CKAP4: variants seen among roughly 807,000 people sequenced by gnomAD.
CKAP4 encodes cytoskeleton associated protein 4.
A neutral mutation model predicts 24.4 loss-of-function variants in CKAP4; 20 were observed. That is an observed-to-expected ratio of 0.82 (90% CI 0.58 to 1.19). The LOEUF (loss-of-function observed/expected upper bound fraction) is 1.19, where lower values mean the gene tolerates loss of function less well. Ranked by LOEUF, CKAP4 falls within the 50% of genes most tolerant of loss-of-function variation. The probability of loss-of-function intolerance (pLI) is 0.00; values close to 1 mark genes in which losing one functional copy is unlikely to be tolerated. For missense variants in CKAP4, 744 were observed against 765.3 expected (o/e 0.97, Z 0.33); for synonymous variants, 378 against 351.7 (o/e 1.07, Z -0.84).
chr12:106,242,113 T>C (rs1166776755), intron 1 of CKAP4, among the ~76,000 whole-genome samples: 2 of 152,202 alleles, frequency 1.3e-5, no homozygotes, highest in African/African-American at 4.8e-5. Context: ...CAGTGTGATC[T>C]TGGGGAAGTT....
chr12:106,243,939 C>G (rs796978224), intron 1 of CKAP4, among the ~76,000 whole-genome samples: 1 of 152,138 alleles, frequency 6.6e-6, no homozygotes, highest in Non-Finnish European at 1.5e-5. Context: ...CATGGCTGAC[C>G]CATAGTGAAC....
Position 106,239,178 on chromosome 12 carries a change from AT to A in CKAP4, c.1654del (p.Met552CysfsTer16). On this transcript the variant is annotated frameshift_variant, in exon 2 of 2. Transcript: ENST00000378026. This position sits in a 1 kb window ranked among gnomAD's most constrained non-coding sequence, Gnocchi z 4.9. Reference sequence around the variant, plus strand: ...CAAACTGTCCACAGCAGTCCTGAGCATTTTCAAGTCCGCCTCCACTTGGCTG... The same window carrying A: ...CAAACTGTCCACAGCAGTCCTGAGCATTTCAAGTCCGCCTCCACTTGGCTG... Reference protein sequence around the residue: ...SVSQVEADLKMLRTAVDSLVA... With the variant: ...SVSQVEADLKXLRTAVDSLVA... 1 of 1,614,056 alleles carries A rather than the reference AT, an allele frequency of 6.2e-7. No homozygotes were observed. The highest frequency in any genetic ancestry group is 8.5e-7 in the Non-Finnish European group (1 of 1,180,000).
intron 1 of CKAP4, among the ~76,000 whole-genome samples, chr12:106,242,476 G>A (rs912905240): frequency 3.9e-5 from 6 of 152,164 alleles, no homozygotes; most frequent in Admixed American, 1.3e-4. Context: ...CCGAGTCCCA[G>A]GCTCCTCATC....
rs1241356139 is a variant in CKAP4, at chr12:106,238,693, C to T, written c.*331G>A. ...TTTTTTTTTACTTGAAATCTGCCAGCCAGACAGGATTTCTGAGGTTAATCT... is the reference window on the plus strand; with the variant it reads ...TTTTTTTTTACTTGAAATCTGCCAGTCAGACAGGATTTCTGAGGTTAATCT... On this transcript the variant is annotated 3_prime_UTR_variant, in exon 2 of 2. Coordinates refer to ENST00000378026, the MANE Select transcript of CKAP4 (RefSeq NM_006825.4). The T allele has an allele frequency of 1.9e-5, 4 of 205,298 alleles. No homozygotes were observed. In the East Asian group the frequency reaches 4.6e-4, roughly 24 times the overall value. 12.7% of individuals were successfully genotyped at this position (205,298 alleles called of 1,614,324 possible).
Position 106,247,540 on chromosome 12 carries a change from G to T in CKAP4, c.312C>A (p.Leu104=). ...ASSSASCSRR[L]GRALNFLFYL... The stretch of plus-strand genomic sequence containing the variant: ...AGAAGAGAAAGTTGAGCGCCCTGCC[G>T]AGCCTGCGCGAGCAGGACGCCGAGG... The change falls in exon 1 of 2, where the codon CTC becomes CTA. Residue 104 remains leucine, a synonymous_variant. Transcript: ENST00000378026. The surrounding 1 kb of genome is among the most constrained non-coding windows in gnomAD (Gnocchi z 4.5). The T allele has an allele frequency of 6.7e-7, 1 of 1,494,618 alleles. No individual in the cohort carries two copies. The highest frequency in any genetic ancestry group is 8.9e-7 in the Non-Finnish European group (1 of 1,124,206). 92.6% of individuals were successfully genotyped at this position (1,494,618 alleles called of 1,614,324 possible). A position where few individuals can be genotyped will look rare whatever the true frequency, so the allele number is the denominator to read the frequency against.
Position 106,239,405 on chromosome 12 carries a change from G to A in CKAP4, c.1428C>T (p.Gly476=), listed in dbSNP as rs113611526. Residue 476 remains glycine, a synonymous_variant, in exon 2 of 2, where the codon GGC becomes GGT. Coordinates refer to ENST00000378026, the MANE Select transcript of CKAP4 (RefSeq NM_006825.4). This position sits in a 1 kb window ranked among gnomAD's most constrained non-coding sequence, Gnocchi z 4.9. ...DGLASTVRSL[G]ETQLVLYGDV... is the part of the protein sequence containing the mutation. ...CACCGTAGAGCACCAGCTGGGTCTC[G>A]CCCAGGCTCCTCACCGTGCTGGCCA... 55 of 1,599,762 alleles carry A rather than the reference G, an allele frequency of 3.4e-5. No homozygotes were observed. Among genetic ancestry groups the A allele is most frequent in the African/African-American group, 2.9e-4 (22 of 74,970 alleles).
intron 1 of CKAP4, among the ~76,000 whole-genome samples, chr12:106,243,132 C>T (rs1291969550): frequency 6.6e-6 from 1 of 152,120 alleles, no homozygotes; most frequent in Non-Finnish European, 1.5e-5. Context: ...GGTGGGGGGA[C>T]TGGGTGTTAG....
Position 106,239,774 on chromosome 12 carries a change from C to T in CKAP4, c.1059G>A (p.Thr353=), listed in dbSNP as rs778463864. Residue 353 remains threonine (T), a synonymous_variant, in exon 2 of 2, where the codon ACG becomes ACA. Transcript: ENST00000378026. The surrounding 1 kb of genome is among the most constrained non-coding windows in gnomAD (Gnocchi z 4.9). The stretch of plus-strand genomic sequence containing the variant: ...ACTCCTCAGACCTGAGAAGCTTCTC[C>T]GTGAGGGCCTGCAGGGCGAGCCGCT... The part of the protein sequence containing the change: ...DTERLALQAL[T]EKLLRSEESV... 13 of 1,613,896 alleles carry T rather than the reference C, an allele frequency of 8.1e-6. No homozygotes were observed. Among genetic ancestry groups the T allele is most frequent in the East Asian group, 6.7e-5 (3 of 44,838 alleles).
At position 106,247,502 on chromosome 12, in the gene CKAP4, A is replaced by C; in HGVS notation, c.350T>G (p.Val117Gly). 2 of 1,543,216 alleles carry C rather than the reference A, an allele frequency of 1.3e-6. No homozygotes were observed. Among genetic ancestry groups the C allele is most frequent in the Non-Finnish European group, 1.7e-6 (2 of 1,148,010 alleles). Reference sequence around the variant, plus strand: ...CCAGCCCGAGAAAGCGGCCGCCGCCACCAGGGCGAGGTAGAAGAGAAAGTT... The same window carrying C: ...CCAGCCCGAGAAAGCGGCCGCCGCCCCCAGGGCGAGGTAGAAGAGAAAGTT... ...ALNFLFYLAL[V>G]AAAAFSGWCV... Residue 117 changes from valine to glycine, a missense_variant, in exon 1 of 2, where the codon GTG (valine) becomes GGG (glycine). By Grantham distance (109) the Val-to-Gly change is moderately radical. This residue lies in a region of CKAP4 where 300 missense variants were observed against 264.5 expected (regional missense o/e 1.13). Transcript: ENST00000378026. The surrounding 1 kb of genome is among the most constrained non-coding windows in gnomAD (Gnocchi z 4.5).
In CKAP4 at chr12:106,239,014, C is replaced by G; in HGVS notation, c.*10G>C. On this transcript the variant is annotated 3_prime_UTR_variant, in exon 2 of 2. Coordinates refer to ENST00000378026, the MANE Select transcript of CKAP4 (RefSeq NM_006825.4). The surrounding 1 kb of genome is among the most constrained non-coding windows in gnomAD (Gnocchi z 4.9). The stretch of plus-strand genomic sequence containing the variant: ...GGACTTTAAATCCGCGCCCTGCACA[C>G]GCAATTCATTTAGACCTTTTCGTGA... 1 of 1,607,516 alleles carries G rather than the reference C, an allele frequency of 6.2e-7. No individual in the cohort carries two copies. Among genetic ancestry groups the G allele is most frequent in the Non-Finnish European group, 8.5e-7 (1 of 1,174,608 alleles).
In CKAP4 at chr12:106,244,685, G is replaced by A. The variant is rs191864354; in HGVS notation, c.483+2684C>T. On this transcript the variant is annotated intron_variant, in intron 1 of 1. Transcript: ENST00000378026. ...CATGCCTGTGGTCCCAGCTACTTGT[G>A]AGGCTGAGGCAAGAGGAACACTTGA... is the stretch of plus-strand genomic sequence containing the variant. 7.2e-5 allele frequency among the ~76,000 whole-genome samples: 11 copies of A among 152,298 alleles called. No individual in the cohort carries two copies. The East Asian group carries it at 1.9e-3, about 27-fold the overall frequency.
intron 1 of CKAP4, among the ~76,000 whole-genome samples, chr12:106,246,382 A>G (rs1201722571): frequency 6.6e-6 from 1 of 152,186 alleles, no homozygotes; most frequent in Non-Finnish European, 1.5e-5. Context: ...TCTAAACACC[A>G]TATAAATGTG....
rs375178726 is a variant in CKAP4 at position 106,239,646 on chromosome 12, G to A, written c.1187C>T (p.Ser396Leu). 1.3e-3 allele frequency: 2,077 copies of A among 1,614,206 alleles called. 37 individuals carry two copies. The South Asian group carries it at 0.021, about 17-fold the overall frequency. The change falls in exon 2 of 2, where the codon TCG becomes TTG. Residue 396 changes from serine to leucine, a missense_variant. Physicochemically the swap from Ser to Leu is moderately radical, Grantham distance 145. Around this residue, in one of 3 missense-constraint regions of CKAP4, gnomAD observed 401 missense variants for 424.5 expected, o/e 0.94. Coordinates refer to ENST00000378026, the MANE Select transcript of CKAP4 (RefSeq NM_006825.4). This position sits in a 1 kb window ranked among gnomAD's most constrained non-coding sequence, Gnocchi z 4.9. ...GPKEDGGFRH[S>L]EAFEALQQKS... The stretch of plus-strand genomic sequence containing the variant: ...TTGCTGGAGTGCCTCAAAGGCTTCC[G>A]AGTGTCTGAAGCCTCCGTCCTCCTT...
At position 106,239,738 on chromosome 12, in the gene CKAP4, G is replaced by C. The variant is rs146628636; in HGVS notation, c.1095C>G (p.Arg365=). The C allele has an allele frequency of 3.2e-5, 52 of 1,613,938 alleles. No homozygotes were observed. The African/African-American group carries it at 5.1e-4, about 16-fold the overall frequency. The change falls in exon 2 of 2, where the codon CGC becomes CGG. Residue 365 remains arginine (R), a synonymous_variant. Transcript: ENST00000378026. This position sits in a 1 kb window ranked among gnomAD's most constrained non-coding sequence, Gnocchi z 4.9. The part of the protein sequence containing the change: ...KLLRSEESVS[R]LPEEIRRLEE... The stretch of plus-strand genomic sequence containing the variant: ...CCAGTCTCCGGATCTCCTCCGGGAG[G>C]CGGGAGACGGACTCCTCAGACCTGA...
chr12:106,242,497 T>C (rs893455075), intron 1 of CKAP4, among the ~76,000 whole-genome samples: 2 of 152,110 alleles, frequency 1.3e-5, no homozygotes. Flanking sequence ...CAATAGCAAA[T>C]AGGTCTCTAA....
rs1409692493 is a variant in CKAP4, at chr12:106,240,214, G to A, written c.619C>T (p.Leu207Phe). 1.2e-6 allele frequency: 2 copies of A among 1,614,194 alleles called. No homozygotes were observed. Among genetic ancestry groups the A allele is most frequent in the Non-Finnish European group, 1.7e-6 (2 of 1,180,038 alleles). The change falls in exon 2 of 2, where the codon CTC (leucine) becomes TTC (phenylalanine). Residue 207 changes from leucine (L) to phenylalanine (F), a missense_variant. Physicochemically the swap from Leu to Phe is conservative, Grantham distance 22. Around this residue, in one of 3 missense-constraint regions of CKAP4, gnomAD observed 300 missense variants for 264.5 expected, o/e 1.13. Coordinates refer to ENST00000378026, the MANE Select transcript of CKAP4 (RefSeq NM_006825.4). ...VSRISEVLQK[L>F]QNEILKDLSD... Reference sequence around the variant, plus strand: ...AGGTCTTTGAGAATCTCATTCTGGAGTTTCTGCAGCACTTCGCTGATCCGG... The same window carrying A: ...AGGTCTTTGAGAATCTCATTCTGGAATTTCTGCAGCACTTCGCTGATCCGG...
chr12:106,247,875 C>T lies in CKAP4; in HGVS notation c.-24G>A. The T allele has an allele frequency of 1.9e-6, 2 of 1,030,300 alleles. No individual in the cohort carries two copies. Among genetic ancestry groups the T allele is most frequent in the South Asian group, 4.5e-5 (1 of 22,466 alleles). The allele number at this position is 1,030,300 out of a possible 1,614,324, so 63.8% of individuals were successfully genotyped here. ...ATGGCGGGCGCGGCGGCGGCTCGGGCCGCGGGCTGGGAGGCGAGCGAGCGC... is the reference window on the plus strand; with the variant it reads ...ATGGCGGGCGCGGCGGCGGCTCGGGTCGCGGGCTGGGAGGCGAGCGAGCGC... On this transcript the variant is annotated 5_prime_UTR_variant, in exon 1 of 2. Transcript: ENST00000378026. The surrounding 1 kb of genome is among the most constrained non-coding windows in gnomAD (Gnocchi z 4.5).
In CKAP4 at chr12:106,238,648, TCCC is replaced by T. The variant is rs1003274884; in HGVS notation, c.*373_*375del. The T allele has an allele frequency of 5.9e-5, 10 of 170,076 alleles. No homozygotes were observed. Among genetic ancestry groups the T allele is most frequent in the African/African-American group, 2.2e-4 (9 of 40,458 alleles). The allele number at this position is 170,076 out of a possible 1,614,324, so 10.5% of individuals were successfully genotyped here. ...TTAAAGACAACTAGAAAGAAAAGGG[TCCC>T]CCCAACCCACCTTTTTTTTTTTTTT... On this transcript the variant is annotated 3_prime_UTR_variant, in exon 2 of 2. Coordinates refer to ENST00000378026, the MANE Select transcript of CKAP4 (RefSeq NM_006825.4).
rs761566499 is a variant in CKAP4 at position 106,247,124 on chromosome 12, C to T, written c.483+245G>A. ...CAGGCGGGCCTGGGCATCCTCGCGGCGGCCCATCCCTCGGGGCCGATTCCT... is the reference window on the plus strand; with the variant it reads ...CAGGCGGGCCTGGGCATCCTCGCGGTGGCCCATCCCTCGGGGCCGATTCCT... On this transcript the variant is annotated intron_variant, in intron 1 of 1. Coordinates refer to ENST00000378026, the MANE Select transcript of CKAP4 (RefSeq NM_006825.4). This position sits in a 1 kb window ranked among gnomAD's most constrained non-coding sequence, Gnocchi z 4.5. 2.6e-4 allele frequency among the ~76,000 whole-genome samples: 39 copies of T among 152,282 alleles called. No individual in the cohort carries two copies. Among genetic ancestry groups the T allele is most frequent in the Middle Eastern group, 3.4e-3 (1 of 294 alleles).
Sources: allele counts gnomAD v4.1 joint callset (sites outside exome capture counted in the v4.1 genomes callset), GRCh38; gene constraint gnomAD v4.1.1; regional missense constraint gnomAD v4.1.1; non-coding constraint Gnocchi (gnomAD v3.1); transcripts MANE v1.5; gene names NCBI Gene and HGNC (gene_info 2026-07-23, HGNC 2026-07-21).